The following KAZN variants were observed in gnomAD, a reference collection of about 807,000 sequenced individuals.
The protein encoded by KAZN is kazrin.
In KAZN, 40 loss-of-function variants were observed where a neutral mutation model predicts 87.4. That is an observed-to-expected ratio of 0.46 (90% CI 0.36 to 0.60). KAZN has a LOEUF of 0.60. Among genes scored for constraint, KAZN ranks in the 20% least tolerant of loss-of-function variants. The probability of loss-of-function intolerance (pLI) is 0.00; values close to 1 mark genes in which losing one functional copy is unlikely to be tolerated. For missense variants in KAZN, 898 were observed against 1,073.9 expected (o/e 0.84, Z 2.29); for synonymous variants, 466 against 458.3 (o/e 1.02, Z -0.22).
intron 1 of KAZN, among the ~76,000 whole-genome samples, chr1:13,915,751 A>AGAGAGG (rs34428852): frequency 3.3e-5 from 5 of 152,162 alleles, no homozygotes; most frequent in African/African-American, 1.2e-4. Flanking sequence ...AGAGAGAGAG[A>AGAGAGG]GGGGCTTGAG....
At chr1:13,975,048 G>A (rs375166222) in intron 1 of KAZN, among the ~76,000 whole-genome samples, 1 of 152,204 alleles carries the variant, frequency 6.6e-6, no homozygotes, top group African/African-American at 2.4e-5. Context: ...CACTTTCCAT[G>A]TTCTAGGCAC....
At chr1:14,689,762 C>T (rs1214091578) in intron 1 of KAZN, among the ~76,000 whole-genome samples, 2 of 152,244 alleles carry the variant, frequency 1.3e-5, no homozygotes, top group Non-Finnish European at 2.9e-5. Flanking sequence ...GCTGCTTAGA[C>T]CCTGGCAGGG....
intron 1 of KAZN, among the ~76,000 whole-genome samples, chr1:14,078,992 G>T (rs1269599507): frequency 6.6e-6 from 1 of 152,128 alleles, no homozygotes; most frequent in Non-Finnish European, 1.5e-5. Flanking sequence ...GGCCTCTGGG[G>T]TCTCTCTTAT....
At chr1:14,155,479 CTT>C (rs1024028885) in intron 1 of KAZN, among the ~76,000 whole-genome samples, 5 of 152,002 alleles carry the variant, frequency 3.3e-5, no homozygotes, top group African/African-American at 1.2e-4. Context: ...AAAAAACAAA[CTT>C]TTTGGTTCAT....
At chr1:14,851,923 C>T (rs1649495167) in intron 1 of KAZN, among the ~76,000 whole-genome samples, 1 of 152,222 alleles carries the variant, frequency 6.6e-6, no homozygotes, top group African/African-American at 2.4e-5. Flanking sequence ...TCCTCAGGGC[C>T]TAGACATGGA....
chr1:14,382,653 AT>A (rs936601169), intron 2 of KAZN, among the ~76,000 whole-genome samples: 18 of 146,906 alleles, frequency 1.2e-4, no homozygotes, highest in African/African-American at 4.2e-4. Context: ...TGAACTGATC[AT>A]TTTTTATGGC....
chr1:14,997,993 CA>C (rs1668068019), intron 2 of KAZN, among the ~76,000 whole-genome samples: 1 of 152,162 alleles, frequency 6.6e-6, no homozygotes, highest in African/African-American at 2.4e-5. Context: ...CTCAACGAGT[CA>C]CTGTCGTTAT....
At chr1:13,916,967 T>C (rs372262452) in intron 1 of KAZN, among the ~76,000 whole-genome samples, 2 of 152,118 alleles carry the variant, frequency 1.3e-5, no homozygotes, top group South Asian at 2.1e-4. Flanking sequence ...TGGGTAACCA[T>C]GGAAGGATTT....
In KAZN at chr1:14,524,022, GTTTTGTTTT is replaced by G. The variant is rs748649549; in HGVS notation, c.250-74960_250-74952del. On this transcript the variant is annotated intron_variant, in intron 2 of 16. Transcript: ENST00000636203. Reference sequence around the variant, plus strand: ...GTTTTGTTTTGTTTTGTTTTGTTTTGTTTTGTTTTGTTTTTATGAGACAGAGTCTTGTTC... The same window carrying G: ...GTTTTGTTTTGTTTTGTTTTGTTTTGGTTTTTATGAGACAGAGTCTTGTTC... Among the ~76,000 whole-genome samples the G allele has an allele frequency of 3.8e-3, 576 of 151,554 alleles. 4 individuals carry two copies. The highest frequency in any genetic ancestry group is 6.9e-3 in the Non-Finnish European group (466 of 67,776).
chr1:14,924,189 GC>G, intron 1 of KAZN: 1 of 981,704 alleles, frequency 1.0e-6, no homozygotes. Context: ...GGCGCGGACC[GC>G]CCGGCGTCCG....
rs149680167 is a variant in KAZN, at chr1:13,978,361, C to G, written c.91+84605C>G. 5.2e-3 allele frequency among the ~76,000 whole-genome samples: 785 copies of G among 151,774 alleles called. 7 individuals are homozygous for G. Among genetic ancestry groups the G allele is most frequent in the African/African-American group, 0.018 (756 of 41,438 alleles). ...ACCTGAAAATCACAAGAAGAAAGAT[C>G]TATAGTGATCCCAATATTGAAATTT... On this transcript the variant is annotated intron_variant, in intron 1 of 16. Coordinates refer to the KAZN transcript ENST00000636203.
chr1:15,075,533 A>C (rs376710225), intron 8 of KAZN, among the ~76,000 whole-genome samples: 11 of 152,118 alleles, frequency 7.2e-5, no homozygotes, highest in Non-Finnish European at 1.2e-4. Context: ...CAGCTCCACT[A>C]TTCTGTGCTT....
chr1:14,666,008 C>G (rs1451091528), intron 1 of KAZN, among the ~76,000 whole-genome samples: 1 of 150,456 alleles, frequency 6.6e-6, no homozygotes, highest in Non-Finnish European at 1.5e-5. Flanking sequence ...ATGAGTTGAG[C>G]TGAGACCTCA....
intron 1 of KAZN, among the ~76,000 whole-genome samples, chr1:14,812,872 G>A (rs61772303): frequency 0.049 from 7,502 of 152,164 alleles, 296 homozygotes; most frequent in African/African-American, 0.11. Context: ...ACCAAGCGTG[G>A]CTGGCAGAAA....
At chr1:14,939,795 C>T (rs959794231) in intron 1 of KAZN, among the ~76,000 whole-genome samples, 3 of 152,168 alleles carry the variant, frequency 2.0e-5, no homozygotes, top group African/African-American at 7.2e-5. Flanking sequence ...GCAGTGATAA[C>T]AGGAGGTCCC....
intron 6 of KAZN, 66 bp downstream of exon 6, chr1:15,060,368 G>A (rs1482143256): frequency 7.5e-6 from 12 of 1,596,578 alleles, no homozygotes; most frequent in Non-Finnish European, 1.0e-5. Flanking sequence ...GGCGGGGGTG[G>A]CGGGGTGAAG....
chr1:14,713,971 G>T (rs1178578734), intron 1 of KAZN, among the ~76,000 whole-genome samples: 3 of 151,830 alleles, frequency 2.0e-5, no homozygotes, highest in Non-Finnish European at 4.4e-5. Context: ...ACAAAAGAAA[G>T]AAAGAAAAAT....
intron 1 of KAZN, among the ~76,000 whole-genome samples, chr1:13,929,140 G>A (rs920517460): frequency 2.8e-5 from 4 of 143,182 alleles, no homozygotes; most frequent in Non-Finnish European, 6.0e-5. Context: ...CTGCAGCCTC[G>A]AAATCCTGGG....
At chr1:14,806,470 T>A (rs574228462) in intron 1 of KAZN, among the ~76,000 whole-genome samples, 1 of 152,196 alleles carries the variant, frequency 6.6e-6, no homozygotes, top group Non-Finnish European at 1.5e-5. Context: ...ACCTTCTCAT[T>A]TGGGCTTTCT....
Sources: gnomAD v4.1 joint callset for allele counts (sites outside exome capture counted in the v4.1 genomes callset) on GRCh38, gnomAD v4.1.1 for gene constraint, MANE v1.5 for transcripts, NCBI Gene and HGNC (gene_info 2026-07-23, HGNC 2026-07-21) for gene names.